UST: variants seen among roughly 807,000 people sequenced by gnomAD.
The protein encoded by UST is chondroitin sulfate 2-O-sulfotransferase.
UST carries 21 observed loss-of-function variants against 45.6 expected under a neutral mutation model. The ratio of observed to expected loss-of-function variants is 0.46; its 90% confidence interval spans 0.33 to 0.66. The LOEUF is 0.66. Ranked by LOEUF, UST falls within the 30% of genes least tolerant of loss-of-function variation. The pLI is 0.02. For synonymous variants in UST, 215 were observed against 200.6 expected (o/e 1.07, Z -0.61); for missense variants, 463 against 512.4 (o/e 0.90, Z 0.93).
chr6:148,839,867 G>A (rs1777857469), intron 1 of UST, among the ~76,000 whole-genome samples: 1 of 152,116 alleles, frequency 6.6e-6, no homozygotes, highest in Non-Finnish European at 1.5e-5. Flanking sequence ...GGTAAAAAGG[G>A]GTAACTTGCC....
rs541270310 is a variant in UST at position 148,858,694 on chromosome 6, G to C, written c.248-28292G>C. ...CCGGGCGTGTGATGTTCCCCACCCT[G>C]TGTCCATGTGTTCTCATTGTTCAGT... is the stretch of plus-strand genomic sequence containing the variant. On this transcript the variant is annotated intron_variant, in intron 1 of 7. Coordinates refer to ENST00000367463, the MANE Select transcript of UST (RefSeq NM_005715.3). 6.0e-4 allele frequency among the ~76,000 whole-genome samples: 91 copies of C among 151,950 alleles called. 1 individual carries two copies. The highest frequency in any genetic ancestry group is 1.0e-4 in the Non-Finnish European group (7 of 68,018).
At chr6:148,759,662 C>T (rs1316191492) in intron 1 of UST, among the ~76,000 whole-genome samples, 1 of 151,624 alleles carries the variant, frequency 6.6e-6, no homozygotes, top group Non-Finnish European at 1.5e-5. Context: ...TCCTGGCTAA[C>T]ACGGTGAAAC....
chr6:148,893,480 A>G lies in UST; in HGVS notation c.291+6451A>G, dbSNP rs1779057925. Among the ~76,000 whole-genome samples, 3 of 152,368 alleles carry G rather than the reference A, an allele frequency of 2.0e-5. 1 individual carries two copies. The South Asian group carries it at 6.2e-4, about 32-fold the overall frequency. On this transcript the variant is annotated intron_variant, in intron 2 of 7. Transcript: ENST00000367463. ...GAATTGAAGATGATCTCTGTAATCT[A>G]ACAGCTTATAATCTGGTTGTGTCAT...
chr6:148,795,666 G>A (rs1260206446), intron 1 of UST, among the ~76,000 whole-genome samples: 1 of 152,120 alleles, frequency 6.6e-6, no homozygotes, highest in African/African-American at 2.4e-5. Context: ...ATGGGCGTGG[G>A]TCTGTAGTCC....
At chr6:148,752,697 G>T (rs1321720448) in intron 1 of UST, among the ~76,000 whole-genome samples, 2 of 152,324 alleles carry the variant, frequency 1.3e-5, no homozygotes, top group Admixed American at 6.5e-5. Context: ...TGGAGAAACT[G>T]GAAAGAAAGT....
intron 1 of UST, among the ~76,000 whole-genome samples, chr6:148,838,785 A>G (rs958792396): frequency 6.6e-5 from 10 of 152,010 alleles, no homozygotes; most frequent in Non-Finnish European, 1.5e-4. Context: ...TGGAGAGTGA[A>G]GAATCACAGA....
intron 7 of UST, among the ~76,000 whole-genome samples, chr6:149,048,725 AAG>A (rs1433649444): frequency 1.3e-5 from 2 of 152,226 alleles, no homozygotes; most frequent in Non-Finnish European, 2.9e-5. Flanking sequence ...ACAATGGAGA[AAG>A]AGAAATACAA....
intron 1 of UST, among the ~76,000 whole-genome samples, chr6:148,801,724 C>G (rs1234554199): frequency 6.6e-6 from 1 of 152,182 alleles, no homozygotes; most frequent in Non-Finnish European, 1.5e-5. Context: ...TTAGCAGTCA[C>G]TCTCCCCTTT....
At chr6:148,791,175 T>C (rs1004693956) in intron 1 of UST, among the ~76,000 whole-genome samples, 2 of 152,192 alleles carry the variant, frequency 1.3e-5, no homozygotes, top group Non-Finnish European at 2.9e-5. Context: ...TACTGGCATC[T>C]AGTGGGTAGA....
intron 7 of UST, among the ~76,000 whole-genome samples, chr6:149,069,116 C>T (rs1466152201): frequency 3.3e-5 from 5 of 152,128 alleles, no homozygotes; most frequent in Non-Finnish European, 5.9e-5. Flanking sequence ...GTGTATAATA[C>T]CACATTTTCT....
At chr6:148,811,871 C>T (rs912920553) in intron 1 of UST, among the ~76,000 whole-genome samples, 2 of 152,182 alleles carry the variant, frequency 1.3e-5, no homozygotes, top group Non-Finnish European at 2.9e-5. Flanking sequence ...AGGCAAAATA[C>T]ATCTCACCTC....
chr6:148,945,025 A>G (rs796179028), intron 3 of UST, among the ~76,000 whole-genome samples: 2 of 152,282 alleles, frequency 1.3e-5, no homozygotes, highest in South Asian at 2.1e-4. Flanking sequence ...GTGTATTACA[A>G]CTATGAGAAT....
chr6:149,024,969 G>A (rs1562332632), intron 7 of UST, among the ~76,000 whole-genome samples: 2 of 152,008 alleles, frequency 1.3e-5, no homozygotes, highest in African/African-American at 4.8e-5. Context: ...AAAAATAGGA[G>A]TTTGCTGACT....
chr6:148,912,445 A>G (rs1001089400), intron 2 of UST, among the ~76,000 whole-genome samples: 3 of 152,262 alleles, frequency 2.0e-5, no homozygotes, highest in African/African-American at 4.8e-5. Context: ...ATGCTTCGTT[A>G]AAGTCTGTAC....
intron 1 of UST, among the ~76,000 whole-genome samples, chr6:148,884,076 T>C (rs929985198): frequency 2.0e-5 from 3 of 147,850 alleles, no homozygotes; most frequent in African/African-American, 7.6e-5. Flanking sequence ...GAGGTTGCAG[T>C]GAGCCAAGAT....
At chr6:148,927,174 A>AAG (rs969282770) in intron 2 of UST, among the ~76,000 whole-genome samples, 1 of 150,780 alleles carries the variant, frequency 6.6e-6, no homozygotes, top group Non-Finnish European at 1.5e-5. Flanking sequence ...GAGAGTGAGA[A>AAG]AGAGAGAGAG....
chr6:148,848,003 G>A (rs1778022304), intron 1 of UST, among the ~76,000 whole-genome samples: 1 of 152,168 alleles, frequency 6.6e-6, no homozygotes, highest in Non-Finnish European at 1.5e-5. Context: ...TAACCTAAGT[G>A]TAGGAAGCCA....
chr6:148,936,590 T>G (rs996961308), intron 2 of UST, among the ~76,000 whole-genome samples: 1 of 140,056 alleles, frequency 7.1e-6, no homozygotes, highest in African/African-American at 2.6e-5. Context: ...TTTTTTTTTT[T>G]TTTTTTTTTT....
rs1006150781 is a variant in UST at position 148,911,243 on chromosome 6, A to T, written c.291+24214A>T. 2.0e-5 allele frequency among the ~76,000 whole-genome samples: 3 copies of T among 152,132 alleles called. No homozygotes were observed. The South Asian group carries it at 6.2e-4, about 32-fold the overall frequency. On this transcript the variant is annotated intron_variant, in intron 2 of 7. Transcript: ENST00000367463. ...ATCACCACTCTGAAGCTCAAGCTCT[A>T]ATGAGAAGCTGGACCTCTCTCTGAG... is the stretch of plus-strand genomic sequence containing the variant.
Sources: gnomAD v4.1 joint callset for allele counts (sites outside exome capture counted in the v4.1 genomes callset) on GRCh38, gnomAD v4.1.1 for gene constraint, MANE v1.5 for transcripts, NCBI Gene and HGNC (gene_info 2026-07-23, HGNC 2026-07-21) for gene names.